Variants in ZEB1 observed in about 807,000 individuals in gnomAD.
ZEB1 encodes zinc finger E-box-binding homeobox 1.
In ZEB1, 21 loss-of-function variants were observed where a neutral mutation model predicts 84.9. The ratio of observed to expected loss-of-function variants is 0.25; its 90% CI spans 0.18 to 0.36. ZEB1 has a LOEUF of 0.36. ZEB1 is among the 10% of genes least tolerant of loss of function. The probability of loss-of-function intolerance (pLI) is 1.00; values close to 1 mark genes in which losing one functional copy is unlikely to be tolerated. For synonymous variants in ZEB1, 420 were observed against 471.1 expected (o/e 0.89, Z 1.41); for missense variants, 1,104 against 1,330.2 (o/e 0.83, Z 2.65).
rs897955378 is a variant in ZEB1, at chr10:31,521,413, C to T, written c.2081C>T (p.Ser694Leu). The change falls in exon 7 of 9, where the codon TCA (serine) becomes TTA (leucine). Residue 694 changes from serine (S) to leucine (L), a missense_variant. Around this residue, in one of 7 missense-constraint regions of ZEB1, gnomAD observed 531 missense variants for 575.2 expected, o/e 0.92. Transcript: ENST00000424869. ...AACTCCCCAGTTTTACCAGTGGGAT[C>T]AACCACCAATGGTTCCAGAAGTAGT... The part of the protein sequence containing the change: ...MTNSPVLPVG[S>L]TTNGSRSSTP... 1.2e-6 allele frequency: 2 copies of T among 1,613,990 alleles called. No homozygotes were observed. The highest frequency in any genetic ancestry group is 2.7e-5 in the African/African-American group (2 of 74,924).
At chr10:31,510,475 T>C (rs1181339969) in intron 4 of ZEB1, among the ~76,000 whole-genome samples, 198 bp from the exon 5 acceptor site, 1 of 152,218 alleles carries the variant, frequency 6.6e-6, no homozygotes, top group East Asian at 1.9e-4. Context: ...CTGTGACTTT[T>C]CTTTTAAGTT....
In ZEB1 at chr10:31,490,118, A is replaced by G. The variant is rs902873538; in HGVS notation, c.260-5658A>G. Among the ~76,000 whole-genome samples, 4 of 151,236 alleles carry G rather than the reference A, an allele frequency of 2.6e-5. No individual in the cohort carries two copies. In the East Asian group the frequency reaches 7.8e-4, roughly 29 times the overall value. Reference sequence around the variant, plus strand: ...CTGGCTCTTTTTAGTATTTTTTTAAACTAGTTTGATTGATGGATTTGAGCC... The same window carrying G: ...CTGGCTCTTTTTAGTATTTTTTTAAGCTAGTTTGATTGATGGATTTGAGCC... On this transcript the variant is annotated intron_variant, in intron 2 of 8. Coordinates refer to ENST00000424869, the MANE Select transcript of ZEB1 (RefSeq NM_001174096.2).
chr10:31,321,483 G>T (rs1464201879), intron 1 of ZEB1: 61 of 1,614,040 alleles, frequency 3.8e-5, no homozygotes, highest in Non-Finnish European at 5.0e-5. Flanking sequence ...CAAATAGTGT[G>T]TGTTCCATAT....
Position 31,527,459 on chromosome 10 carries a change from A to C in ZEB1, c.*195A>C. ...CACACACACACACACACACAAAATA[A>C]ATCCGGGTGTGCCTGAACCTCAGAC... On this transcript the variant is annotated 3_prime_UTR_variant, in exon 9 of 9. Coordinates refer to ENST00000424869, the MANE Select transcript of ZEB1 (RefSeq NM_001174096.2). The C allele has an allele frequency of 1.4e-6, 1 of 709,756 alleles. No individual in the cohort carries two copies. The highest frequency in any genetic ancestry group is 2.2e-6 in the Non-Finnish European group (1 of 452,012). The allele number at this position is 709,756 out of a possible 1,614,324, so 44.0% of individuals were successfully genotyped here. A position where few individuals can be genotyped will look rare whatever the true frequency, so the allele number is the denominator to read the frequency against.
At chr10:31,407,786 C>T (rs916831158) in intron 1 of ZEB1, among the ~76,000 whole-genome samples, 2 of 151,234 alleles carry the variant, frequency 1.3e-5, no homozygotes, top group African/African-American at 4.9e-5. Flanking sequence ...CAGCCAATAT[C>T]ATACTGAATG....
At chr10:31,488,949 G>A (rs2066119592) in intron 2 of ZEB1, among the ~76,000 whole-genome samples, 1 of 150,844 alleles carries the variant, frequency 6.6e-6, no homozygotes, top group East Asian at 1.9e-4. Flanking sequence ...TCGTCATTGG[G>A]GTGTGTTCTA....
At chr10:31,423,963 A>C (rs902541238) in intron 1 of ZEB1, among the ~76,000 whole-genome samples, 1 of 152,010 alleles carries the variant, frequency 6.6e-6, no homozygotes, top group African/African-American at 2.4e-5. Flanking sequence ...TGTAATGATC[A>C]ATTTTTAGAA....
intron 1 of ZEB1, among the ~76,000 whole-genome samples, chr10:31,408,858 C>G (rs1228430409): frequency 2.7e-4 from 41 of 150,704 alleles, no homozygotes; most frequent in African/African-American, 9.9e-4. Context: ...GTCTAAAACA[C>G]CAAAAGCAAT....
At chr10:31,384,085 C>G (rs2048203708) in intron 1 of ZEB1, among the ~76,000 whole-genome samples, 1 of 148,878 alleles carries the variant, frequency 6.7e-6, no homozygotes, top group African/African-American at 2.5e-5. Context: ...AAGTGATTGT[C>G]CTGCCTCAGC....
intron 1 of ZEB1, among the ~76,000 whole-genome samples, chr10:31,357,645 G>A (rs1443360135): frequency 2.0e-5 from 3 of 151,948 alleles, no homozygotes; most frequent in Non-Finnish European, 2.9e-5. Flanking sequence ...AGCTAGGAAT[G>A]GGTAAAATTC....
chr10:31,448,955 C>T (rs1398657140), intron 1 of ZEB1, among the ~76,000 whole-genome samples: 4 of 152,224 alleles, frequency 2.6e-5, no homozygotes, highest in African/African-American at 7.2e-5. Flanking sequence ...TTGGAGCTTC[C>T]TGGCTGCTTT....
At chr10:31,435,845 G>A (rs1232465837) in intron 1 of ZEB1, among the ~76,000 whole-genome samples, 2 of 152,194 alleles carry the variant, frequency 1.3e-5, no homozygotes, top group African/African-American at 2.4e-5. Context: ...CGGCTGCTGT[G>A]TGGTAAATGG....
At chr10:31,478,641 C>T (rs567416521) in intron 2 of ZEB1, among the ~76,000 whole-genome samples, 9 of 151,660 alleles carry the variant, frequency 5.9e-5, no homozygotes, top group Non-Finnish European at 1.0e-4. Context: ...AAAATGTGGT[C>T]CATATATACC....
rs149607150 is a variant in ZEB1, at chr10:31,388,177, A to G, written c.58+68885A>G. Among the ~76,000 whole-genome samples the G allele has an allele frequency of 9.7e-4, 147 of 152,302 alleles. 1 individual carries two copies. Among genetic ancestry groups the G allele is most frequent in the African/African-American group, 3.4e-3 (143 of 41,584 alleles). The stretch of plus-strand genomic sequence containing the variant: ...GATTAGGTCAGTCTTAGGCAAGAAT[A>G]CTTTGAATAACAAGAGACTAAATGT... On this transcript the variant is annotated intron_variant, in intron 1 of 8. Transcript: ENST00000424869.
At chr10:31,479,857 C>G (rs1389488698) in intron 2 of ZEB1, among the ~76,000 whole-genome samples, 1 of 151,830 alleles carries the variant, frequency 6.6e-6, no homozygotes, top group Admixed American at 6.6e-5. Flanking sequence ...AAAATTTATA[C>G]AGTAAGTGCT....
chr10:31,366,633 G>C (rs746274358), intron 1 of ZEB1, among the ~76,000 whole-genome samples: 10 of 152,188 alleles, frequency 6.6e-5, no homozygotes, highest in Non-Finnish European at 1.3e-4. Flanking sequence ...TCAACGTACT[G>C]TCCTGAAATA....
At chr10:31,351,743 T>C (rs2041350302) in intron 1 of ZEB1, among the ~76,000 whole-genome samples, 1 of 152,212 alleles carries the variant, frequency 6.6e-6, no homozygotes, top group Admixed American at 6.5e-5. Context: ...TATCTAAAAA[T>C]ATTCCTTTAA....
chr10:31,462,265 A>G (rs1420541968), intron 2 of ZEB1, among the ~76,000 whole-genome samples: 1 of 152,160 alleles, frequency 6.6e-6, no homozygotes, highest in Non-Finnish European at 1.5e-5. Flanking sequence ...TTAACAAGGG[A>G]CTTTTGAAAT....
chr10:31,411,568 C>T (rs2054273231), intron 1 of ZEB1, among the ~76,000 whole-genome samples: 2 of 143,456 alleles, frequency 1.4e-5, no homozygotes, highest in South Asian at 2.3e-4. Flanking sequence ...GGAAGCGGAG[C>T]TTGCAGTGAG....
Sources: allele counts gnomAD v4.1 joint callset (sites outside exome capture counted in the v4.1 genomes callset), GRCh38; gene constraint gnomAD v4.1.1; regional missense constraint gnomAD v4.1.1; transcripts MANE v1.5; gene names NCBI Gene and HGNC (gene_info 2026-07-23, HGNC 2026-07-21).